CADPS: variants seen among roughly 807,000 people sequenced by gnomAD.
The protein encoded by CADPS is calcium-dependent secretion activator 1.
In CADPS, 57 loss-of-function variants were observed where a neutral mutation model predicts 167.3. That is an observed-to-expected ratio of 0.34 (90% CI 0.28 to 0.42). The LOEUF (loss-of-function observed/expected upper bound fraction) is 0.42, where lower values mean the gene tolerates loss of function less well. CADPS is among the 20% of genes least tolerant of loss of function. The pLI is 1.00. For missense variants in CADPS, 1,414 were observed against 1,738.1 expected (o/e 0.81, Z 3.32); for synonymous variants, 676 against 635.3 (o/e 1.06, Z -0.96).
chr3:62,820,794 G>GTTTTTTTTTT (rs2094871724), intron 1 of CADPS, among the ~76,000 whole-genome samples: 1 of 140,362 alleles, frequency 7.1e-6, no homozygotes, highest in African/African-American at 2.7e-5. Flanking sequence ...TCTTTTTTTT[G>GTTTTTTTTTT]GTTTTTTTTT....
chr3:62,532,728 T>A, intron 13 of CADPS, 143 bp downstream of exon 13: 1 of 582,552 alleles, frequency 1.7e-6, no homozygotes, highest in Non-Finnish European at 3.0e-6. Context: ...TGTGTGTGTG[T>A]GTGTGTGTGT....
chr3:62,812,403 G>A (rs1213032541), intron 1 of CADPS, among the ~76,000 whole-genome samples: 3 of 152,160 alleles, frequency 2.0e-5, no homozygotes, highest in African/African-American at 7.2e-5. Flanking sequence ...CAGTTAGTGA[G>A]TACTAGAGCT....
chr3:62,716,693 G>A (rs1280560918), intron 3 of CADPS, among the ~76,000 whole-genome samples: 4 of 152,164 alleles, frequency 2.6e-5, no homozygotes, highest in Admixed American at 2.0e-4. Flanking sequence ...CATTTATGGG[G>A]TATCAGACCA....
chr3:62,852,104 G>T (rs1306186305), intron 1 of CADPS, among the ~76,000 whole-genome samples: 2 of 147,240 alleles, frequency 1.4e-5, no homozygotes, highest in East Asian at 4.0e-4. Flanking sequence ...CGTAGTTCTC[G>T]AGCCTTGGTT....
At chr3:62,741,604 G>T (rs1209599464) in intron 3 of CADPS, among the ~76,000 whole-genome samples, 1 of 152,060 alleles carries the variant, frequency 6.6e-6, no homozygotes, top group Admixed American at 6.6e-5. Flanking sequence ...CAATAAACTA[G>T]GTATTGAAGG....
intron 9 of CADPS, among the ~76,000 whole-genome samples, chr3:62,561,880 C>T (rs1028509862): frequency 3.3e-5 from 5 of 152,112 alleles, no homozygotes; most frequent in Non-Finnish European, 5.9e-5. Flanking sequence ...AGCCCTTGTC[C>T]AAAATTCATA....
intron 17 of CADPS, among the ~76,000 whole-genome samples, chr3:62,507,159 G>C (rs2066843176): frequency 6.6e-6 from 1 of 152,152 alleles, no homozygotes; most frequent in Admixed American, 6.5e-5. Context: ...TTGGGCGGGA[G>C]CTTGGAGCAT....
At chr3:62,643,295 G>C (rs183265537) in intron 6 of CADPS, among the ~76,000 whole-genome samples, 1 of 152,092 alleles carries the variant, frequency 6.6e-6, no homozygotes, top group African/African-American at 2.4e-5. Context: ...ATTTGGCCTC[G>C]AACCCTTCTC....
intron 6 of CADPS, among the ~76,000 whole-genome samples, chr3:62,645,403 A>C (rs2068326538): frequency 6.6e-6 from 1 of 152,212 alleles, no homozygotes; most frequent in Admixed American, 6.5e-5. Flanking sequence ...AATTTAATAA[A>C]AGTAAACTTA....
intron 1 of CADPS, among the ~76,000 whole-genome samples, chr3:62,798,350 C>T (rs183033531): frequency 2.6e-5 from 4 of 152,210 alleles, no homozygotes; most frequent in Non-Finnish European, 5.9e-5. Flanking sequence ...AGCCTTCATC[C>T]TCCTTCCAGC....
intron 26 of CADPS, among the ~76,000 whole-genome samples, chr3:62,451,418 A>G (rs1324843877): frequency 6.6e-6 from 1 of 151,960 alleles, no homozygotes; most frequent in African/African-American, 2.4e-5. Context: ...GGAAAAAGCA[A>G]CCCAGGTGCA....
intron 3 of CADPS, among the ~76,000 whole-genome samples, chr3:62,700,655 A>G (rs1415479152): frequency 6.6e-6 from 1 of 152,080 alleles, no homozygotes; most frequent in Non-Finnish European, 1.5e-5. Flanking sequence ...ACCTCAAGAA[A>G]TGCACTTGCA....
intron 6 of CADPS, among the ~76,000 whole-genome samples, chr3:62,619,451 T>A (rs1050868051): frequency 2.0e-5 from 3 of 152,156 alleles, no homozygotes; most frequent in African/African-American, 7.2e-5. Flanking sequence ...CAAAAATGTT[T>A]CAGATTTTAT....
At chr3:62,490,151 C>T (rs1406456893) in intron 21 of CADPS, among the ~76,000 whole-genome samples, 2 of 152,094 alleles carry the variant, frequency 1.3e-5, no homozygotes, top group African/African-American at 2.4e-5. Flanking sequence ...TAAAAATAGG[C>T]TGCAAGTCAA....
intron 1 of CADPS, among the ~76,000 whole-genome samples, chr3:62,782,287 C>A (rs2091777986): frequency 6.6e-6 from 1 of 152,176 alleles, no homozygotes; most frequent in Non-Finnish European, 1.5e-5. Flanking sequence ...CCTAATTCAT[C>A]CATCCAGCCA....
chr3:62,749,615 GT>G (rs1413007676), intron 3 of CADPS, among the ~76,000 whole-genome samples: 5 of 152,190 alleles, frequency 3.3e-5, no homozygotes, highest in Non-Finnish European at 5.9e-5. Context: ...GATAAGAGTT[GT>G]GCAGAGCTGA....
chr3:62,492,349 G>T lies in CADPS; in HGVS notation c.2825C>A (p.Pro942Gln). 6.2e-7 allele frequency: 1 copy of T among 1,613,802 alleles called. No individual in the cohort carries two copies. The highest frequency in any genetic ancestry group is 8.5e-7 in the Non-Finnish European group (1 of 1,179,686). The change falls in exon 20 of 30, where the codon CCA becomes CAA. Residue 942 changes from proline (P) to glutamine (Q), a missense_variant. Pro to Gln is a moderately conservative substitution (Grantham distance 76). Transcript: ENST00000383710. Reference sequence around the variant, plus strand: ...TAGTGGAAAACTGTCCCATGTGTCTGGAGGTTGCACCTCTAAGGCTGCATC... The same window carrying T: ...TAGTGGAAAACTGTCCCATGTGTCTTGAGGTTGCACCTCTAAGGCTGCATC... The part of the protein sequence containing the change: ...DMDAALEVQP[P>Q]DTWDSFPLFQ...
At chr3:62,871,273 C>T (rs917045919) in intron 1 of CADPS, among the ~76,000 whole-genome samples, 7 of 152,004 alleles carry the variant, frequency 4.6e-5, no homozygotes, top group Admixed American at 1.3e-4. Context: ...TCAGTTTAAA[C>T]GACATAGTAA....
intron 21 of CADPS, among the ~76,000 whole-genome samples, chr3:62,487,737 GT>G (rs1462487468): frequency 2.6e-5 from 4 of 152,070 alleles, no homozygotes; most frequent in Non-Finnish European, 5.9e-5. Flanking sequence ...TGTTGTTGTT[GT>G]TTTTGTTGTT....
Sources: gnomAD v4.1 joint callset for allele counts (sites outside exome capture counted in the v4.1 genomes callset) on GRCh38, gnomAD v4.1.1 for gene constraint, MANE v1.5 for transcripts, NCBI Gene and HGNC (gene_info 2026-07-23, HGNC 2026-07-21) for gene names.